The following MPRIP variants were observed in gnomAD, a reference collection of about 807,000 sequenced individuals.
MPRIP encodes myosin phosphatase Rho interacting protein.
In MPRIP, 59 loss-of-function variants were observed where a neutral mutation model predicts 234.9. The observed-to-expected ratio is 0.25, with a 90% CI of 0.20 to 0.31. The LOEUF (loss-of-function observed/expected upper bound fraction) is 0.31. Ranked by LOEUF, MPRIP falls within the 10% of genes least tolerant of loss-of-function variation. The pLI is 1.00. For synonymous variants in MPRIP, 1,144 were observed against 1,263.9 expected (o/e 0.91, Z 2.01); for missense variants, 2,436 against 3,071.0 (o/e 0.79, Z 4.89).
chr17:17,176,244 G>T (rs951009605), intron 20 of MPRIP, among the ~76,000 whole-genome samples, 182 bp from the exon 21 acceptor site: 1 of 152,152 alleles, frequency 6.6e-6, no homozygotes, highest in Non-Finnish European at 1.5e-5. Flanking sequence ...TCCTCTTCCT[G>T]TTTCTGTATG....
intron 3 of MPRIP, among the ~76,000 whole-genome samples, chr17:17,090,921 G>T (rs774607132): frequency 6.6e-6 from 1 of 152,032 alleles, no homozygotes; most frequent in East Asian, 1.9e-4. Context: ...TGAAGATCTC[G>T]GCTATGCCAG....
At position 17,042,897 on chromosome 17, in the gene MPRIP, T is replaced by G; in HGVS notation, c.49T>G (p.Phe17Val). The G allele has an allele frequency of 6.2e-7, 1 of 1,609,642 alleles. No homozygotes were observed. Among genetic ancestry groups the G allele is most frequent in the Non-Finnish European group, 8.5e-7 (1 of 1,178,730 alleles). ...NPCRKFQANI[F>V]NKSKCQNCFK... is the part of the protein sequence containing the mutation. The stretch of plus-strand genomic sequence containing the variant: ...GTGCAGGAAATTCCAGGCCAACATC[T>G]TCAACAAGAGCAAGTGTCAGAACTG... Residue 17 changes from phenylalanine (F) to valine (V), a missense_variant, in exon 1 of 24, where the codon TTC becomes GTC. Phe to Val is a conservative substitution (Grantham distance 50). Transcript: ENST00000651222.
intron 3 of MPRIP, among the ~76,000 whole-genome samples, chr17:17,099,501 G>C (rs1440928863): frequency 6.6e-6 from 1 of 152,218 alleles, no homozygotes; most frequent in African/African-American, 2.4e-5. Flanking sequence ...CAAAGTGGGA[G>C]AGTCAGTTGA....
rs1186407968 is a variant in MPRIP, at chr17:17,190,681, G to C, written c.*5787G>C. 1.3e-5 allele frequency: 2 copies of C among 152,174 alleles called. No individual in the cohort carries two copies. The highest frequency in any genetic ancestry group is 4.8e-5 in the African/African-American group (2 of 41,440). 9.4% of individuals were successfully genotyped at this position (152,174 alleles called of 1,614,324 possible). A position where few individuals can be genotyped will look rare whatever the true frequency, so the allele number is the denominator to read the frequency against. ...CTGAAATCCTTCAACAAAAGAAAAG[G>C]CTCTTGGCAGGGTAGGGGAGTCAGT... On this transcript the variant is annotated 3_prime_UTR_variant, in exon 24 of 24. Coordinates refer to ENST00000651222, the MANE Select transcript of MPRIP (RefSeq NM_001364716.4).
chr17:17,047,055 G>A (rs903864064), intron 1 of MPRIP, among the ~76,000 whole-genome samples: 2 of 152,158 alleles, frequency 1.3e-5, no homozygotes, highest in African/African-American at 4.8e-5. Context: ...GCACATGCCT[G>A]TAATCCCAGC....
At chr17:17,139,607 G>A (rs1248706004) in intron 7 of MPRIP, among the ~76,000 whole-genome samples, 6 of 152,176 alleles carry the variant, frequency 3.9e-5, no homozygotes, top group East Asian at 1.9e-4. Flanking sequence ...ATGGGCTCCC[G>A]TGCCTCGAAG....
At chr17:17,146,485 A>G (rs2045468719) in intron 10 of MPRIP, among the ~76,000 whole-genome samples, 1 of 152,218 alleles carries the variant, frequency 6.6e-6, no homozygotes, top group South Asian at 2.1e-4. Context: ...CAAGCCAGCC[A>G]AGTAGACAGT....
At position 17,158,423 on chromosome 17, in the gene MPRIP, G is replaced by GC. The variant is rs776468740; in HGVS notation, c.1830-5dup. On this transcript the variant is annotated splice_polypyrimidine_tract_variant and intron_variant, in intron 13 of 23. Coordinates refer to ENST00000651222, the MANE Select transcript of MPRIP (RefSeq NM_001364716.4). ...CCTGACAGGCTATGTCCATCCTCCT[G>GC]CCCCACAGCTCGTTGCCAGAGGAAA... 1.3e-6 allele frequency: 2 copies of GC among 1,545,126 alleles called. No homozygotes were observed. Among genetic ancestry groups the GC allele is most frequent in the Non-Finnish European group, 1.7e-6 (2 of 1,146,216 alleles).
chr17:17,123,696 T>G (rs2090435541), intron 3 of MPRIP, among the ~76,000 whole-genome samples: 1 of 133,904 alleles, frequency 7.5e-6, no homozygotes, highest in Non-Finnish European at 1.5e-5. Flanking sequence ...AGAGCGAGAC[T>G]TCGTCTCAAA....
At chr17:17,075,485 C>T (rs924883993) in intron 1 of MPRIP, among the ~76,000 whole-genome samples, 18 of 152,126 alleles carry the variant, frequency 1.2e-4, no homozygotes, top group African/African-American at 3.9e-4. Context: ...TCCAGGTTCT[C>T]ACACTCCTGC....
chr17:17,134,336 GTCT>G (rs528952156), intron 5 of MPRIP, among the ~76,000 whole-genome samples: 17 of 152,322 alleles, frequency 1.1e-4, no homozygotes, highest in African/African-American at 3.8e-4. Context: ...TCTGCCCTGG[GTCT>G]TCTTCCCAGG....
In MPRIP at chr17:17,171,732, A is replaced by T. The variant is rs2046139792; in HGVS notation, c.6339A>T (p.Arg2113=). 1 of 1,612,986 alleles carries T rather than the reference A, an allele frequency of 6.2e-7. No individual in the cohort carries two copies. Among genetic ancestry groups the T allele is most frequent in the African/African-American group, 1.3e-5 (1 of 74,920 alleles). ...DLESLKATCE[R]GFAAMEETHQ... ...GCATTTTGCAGGCCACGTGCGAGCG[A>T]GGGTTTGCAGCAATGGAAGAAACGC... Residue 2113 remains arginine (R), a synonymous_variant, in exon 17 of 24, where the codon CGA becomes CGT. Coordinates refer to ENST00000651222, the MANE Select transcript of MPRIP (RefSeq NM_001364716.4).
intron 1 of MPRIP, among the ~76,000 whole-genome samples, chr17:17,051,711 G>A (rs1032996010): frequency 5.3e-5 from 8 of 152,360 alleles, no homozygotes; most frequent in African/African-American, 1.4e-4. Context: ...TGTCACTTCC[G>A]TTGGGGGCAA....
At position 17,055,290 on chromosome 17, in the gene MPRIP, C is replaced by T. The variant is rs116936750; in HGVS notation, c.123+12319C>T. 1.2e-4 allele frequency among the ~76,000 whole-genome samples: 19 copies of T among 152,240 alleles called. No individual in the cohort carries two copies. The East Asian group carries it at 3.7e-3, about 29-fold the overall frequency. Reference sequence around the variant, plus strand: ...AAGCCATGCTTATCCCACTCGTATCCATGGAGCAACTGCCTTGCAGTTGTC... The same window carrying T: ...AAGCCATGCTTATCCCACTCGTATCTATGGAGCAACTGCCTTGCAGTTGTC... On this transcript the variant is annotated intron_variant, in intron 1 of 23. Coordinates refer to ENST00000651222, the MANE Select transcript of MPRIP (RefSeq NM_001364716.4).
intron 1 of MPRIP, among the ~76,000 whole-genome samples, chr17:17,044,430 G>A (rs1309191873): frequency 6.6e-6 from 1 of 152,182 alleles, no homozygotes; most frequent in Non-Finnish European, 1.5e-5. Context: ...CTTTACTTCT[G>A]TATCTTTTAA....
rs375982707 is a variant in MPRIP at position 17,161,294 on chromosome 17, C to A, written c.2455C>A (p.Gln819Lys). ...CCTTCTGGAGCAGAACCGGCTCCTG[C>A]AGGACCAGCTGAGGGTGGCCCTGGG... ...SDLLEQNRLL[Q>K]DQLRVALGRE... The change falls in exon 15 of 24, where the codon CAG becomes AAG. Residue 819 changes from glutamine (Q) to lysine (K), a missense_variant. Physicochemically the swap from Gln to Lys is moderately conservative, Grantham distance 53. Transcript: ENST00000651222. The A allele has an allele frequency of 1.9e-5, 31 of 1,599,116 alleles. No individual in the cohort carries two copies. The highest frequency in any genetic ancestry group is 2.6e-5 in the Non-Finnish European group (30 of 1,171,142).
intron 3 of MPRIP, among the ~76,000 whole-genome samples, chr17:17,110,375 C>G (rs961575984): frequency 2.0e-5 from 3 of 152,086 alleles, no homozygotes; most frequent in Non-Finnish European, 4.4e-5. Context: ...CAGACTAAGA[C>G]AAGATATAAA....
chr17:17,107,157 C>T (rs2090078895), intron 3 of MPRIP, among the ~76,000 whole-genome samples: 1 of 152,250 alleles, frequency 6.6e-6, no homozygotes, highest in Non-Finnish European at 1.5e-5. Flanking sequence ...TTAATGGGCT[C>T]TAGCCCCCTG....
intron 21 of MPRIP, 97 bp downstream of exon 21, chr17:17,176,609 G>A: frequency 1.1e-6 from 1 of 948,800 alleles, no homozygotes; most frequent in South Asian, 1.4e-5. Context: ...GGGCTCTTCT[G>A]AAGCAGATTT....
Sources: gnomAD v4.1 joint callset for allele counts (sites outside exome capture counted in the v4.1 genomes callset) on GRCh38, gnomAD v4.1.1 for gene constraint, MANE v1.5 for transcripts, NCBI Gene and HGNC (gene_info 2026-07-23, HGNC 2026-07-21) for gene names.